Variants in BTBD9 observed in about 807,000 individuals in gnomAD.
BTBD9 encodes the protein BTB/POZ domain-containing protein 9.
In BTBD9, 49 loss-of-function variants were observed where a neutral mutation model predicts 64.3. The ratio of observed to expected loss-of-function variants is 0.76; its 90% CI spans 0.61 to 0.97. The LOEUF is 0.97. BTBD9 is among the 50% of genes least tolerant of loss of function. The pLI is 0.00. For synonymous variants in BTBD9, 260 were observed against 274.7 expected (o/e 0.95, Z 0.53); for missense variants, 598 against 762.1 (o/e 0.78, Z 2.53).
intron 6 of BTBD9, among the ~76,000 whole-genome samples, chr6:38,447,294 G>A (rs1184677256): frequency 6.6e-6 from 1 of 152,172 alleles, no homozygotes; most frequent in African/African-American, 2.4e-5. Context: ...ATAGCAATTC[G>A]TTACAATTCG....
intron 7 of BTBD9, among the ~76,000 whole-genome samples, chr6:38,323,825 G>A (rs929929539): frequency 2.0e-5 from 3 of 151,956 alleles, no homozygotes; most frequent in Non-Finnish European, 4.4e-5. Flanking sequence ...AAGCCCAGGT[G>A]TGGTGGCTCA....
At chr6:38,236,474 C>T (rs1763780472) in intron 9 of BTBD9, among the ~76,000 whole-genome samples, 1 of 152,174 alleles carries the variant, frequency 6.6e-6, no homozygotes, top group Non-Finnish European at 1.5e-5. Flanking sequence ...AAGGGGAAAC[C>T]ACTTCTGTTT....
At chr6:38,505,555 C>T (rs1375299318) in intron 6 of BTBD9, among the ~76,000 whole-genome samples, 4 of 151,228 alleles carry the variant, frequency 2.6e-5, no homozygotes, top group Non-Finnish European at 5.9e-5. Flanking sequence ...ACCTGGGAGG[C>T]GGAGGTTGCA....
In BTBD9 at chr6:38,605,327, C is replaced by T. The variant is rs530398702; in HGVS notation, c.-27-7206G>A. Among the ~76,000 whole-genome samples the T allele has an allele frequency of 5.3e-5, 8 of 152,236 alleles. No homozygotes were observed. The East Asian group carries it at 1.5e-3, about 29-fold the overall frequency. Reference sequence around the variant, plus strand: ...CTCCCAAAGTGCTTGGGATTACAGGCGTGAACCACCATACCCAGCCAGCTT... The same window carrying T: ...CTCCCAAAGTGCTTGGGATTACAGGTGTGAACCACCATACCCAGCCAGCTT... On this transcript the variant is annotated intron_variant, in intron 1 of 10. Coordinates refer to ENST00000481247, the MANE Select transcript of BTBD9 (RefSeq NM_001099272.2).
rs79974402 is a variant in BTBD9 at position 38,470,608 on chromosome 6, T to C, written c.1154+106992A>G. On this transcript the variant is annotated intron_variant, in intron 6 of 10. Coordinates refer to ENST00000481247, the MANE Select transcript of BTBD9 (RefSeq NM_001099272.2). ...ACTGGTTAGCTTTCAGAAAATGCTTTAGCATTTTAATGTGAACATTTTTGA... is the reference window on the plus strand; with the variant it reads ...ACTGGTTAGCTTTCAGAAAATGCTTCAGCATTTTAATGTGAACATTTTTGA... Among the ~76,000 whole-genome samples, 776 of 152,352 alleles carry C rather than the reference T, an allele frequency of 5.1e-3. 6 individuals are homozygous for C. Among genetic ancestry groups the C allele is most frequent in the African/African-American group, 0.018 (734 of 41,588 alleles).
chr6:38,180,009 C>G (rs542263589), intron 10 of BTBD9: 1 of 371,328 alleles, frequency 2.7e-6, no homozygotes, highest in East Asian at 7.3e-5. Flanking sequence ...CTCTGTGGAG[C>G]AGTGTGCCTG....
intron 6 of BTBD9, among the ~76,000 whole-genome samples, chr6:38,485,695 C>G (rs1771363821): frequency 6.6e-6 from 1 of 152,204 alleles, no homozygotes; most frequent in African/African-American, 2.4e-5. Flanking sequence ...GTTCCATCTA[C>G]AGAGCACAGG....
At chr6:38,556,498 T>C (rs1246446576) in intron 6 of BTBD9, among the ~76,000 whole-genome samples, 1 of 148,536 alleles carries the variant, frequency 6.7e-6, no homozygotes, top group African/African-American at 2.5e-5. Flanking sequence ...ATTATCTTTG[T>C]CCTATAAAGT....
At chr6:38,231,983 G>A (rs1322061300) in intron 9 of BTBD9, among the ~76,000 whole-genome samples, 2 of 152,232 alleles carry the variant, frequency 1.3e-5, no homozygotes, top group Non-Finnish European at 2.9e-5. Flanking sequence ...AGGGAAAAGG[G>A]AATCTGTTTA....
intron 10 of BTBD9, among the ~76,000 whole-genome samples, chr6:38,189,953 C>A (rs9462406): frequency 6.7e-6 from 1 of 149,280 alleles, no homozygotes; most frequent in Non-Finnish European, 1.5e-5. Flanking sequence ...GAATTACAGG[C>A]GTGAGCCACC....
chr6:38,447,763 A>C (rs564650580), intron 6 of BTBD9, among the ~76,000 whole-genome samples: 1 of 152,316 alleles, frequency 6.6e-6, no homozygotes, highest in Admixed American at 6.5e-5. Flanking sequence ...CAGCCTCTTT[A>C]TTGGAAGAAG....
chr6:38,424,540 G>A (rs1370050039), intron 6 of BTBD9, among the ~76,000 whole-genome samples: 3 of 151,880 alleles, frequency 2.0e-5, no homozygotes, highest in Non-Finnish European at 4.4e-5. Flanking sequence ...TTTTTGAGAT[G>A]GAGTCTCGCT....
At chr6:38,372,239 AC>A (rs1398086146) in intron 6 of BTBD9, among the ~76,000 whole-genome samples, 1 of 152,190 alleles carries the variant, frequency 6.6e-6, no homozygotes, top group Non-Finnish European at 1.5e-5. Flanking sequence ...TTTAAGTATC[AC>A]CCCAATTCCT....
chr6:38,628,731 T>C (rs930270536), intron 1 of BTBD9, among the ~76,000 whole-genome samples: 19 of 151,872 alleles, frequency 1.3e-4, no homozygotes, highest in African/African-American at 4.6e-4. Flanking sequence ...AGGTATGGAA[T>C]ACACACACAC....
At chr6:38,206,871 T>C (rs1762674135) in intron 9 of BTBD9, among the ~76,000 whole-genome samples, 1 of 150,914 alleles carries the variant, frequency 6.6e-6, no homozygotes, top group Admixed American at 6.6e-5. Flanking sequence ...CTAAAAGAGA[T>C]GAATATGTTT....
intron 10 of BTBD9, among the ~76,000 whole-genome samples, chr6:38,177,893 T>C (rs1305615209): frequency 6.6e-6 from 1 of 152,246 alleles, no homozygotes; most frequent in Non-Finnish European, 1.5e-5. Flanking sequence ...TTCCTATGGA[T>C]ATTTCTTCTA....
At chr6:38,190,012 A>G (rs1761988344) in intron 10 of BTBD9, among the ~76,000 whole-genome samples, 2 of 141,920 alleles carry the variant, frequency 1.4e-5, no homozygotes, top group Non-Finnish European at 3.0e-5. Context: ...AGGTCTCACT[A>G]TGTTTCCCAT....
chr6:38,304,199 T>C (rs576422784), intron 7 of BTBD9, among the ~76,000 whole-genome samples: 4 of 152,000 alleles, frequency 2.6e-5, no homozygotes, highest in Admixed American at 2.6e-4. Context: ...CAGCTTTTAC[T>C]AGAAATCAAC....
In BTBD9 at chr6:38,415,403, T is replaced by C. The variant is rs116378279; in HGVS notation, c.1155-70310A>G. Among the ~76,000 whole-genome samples the C allele has an allele frequency of 7.2e-3, 1,092 of 152,236 alleles. 15 individuals are homozygous for C. The highest frequency in any genetic ancestry group is 0.025 in the African/African-American group (1,047 of 41,534). ...TGAGTCAAGGAACATGGGTAGCCTC[T>C]AGAGTCTGGAAAAGCAAAGAAAATG... On this transcript the variant is annotated intron_variant, in intron 6 of 10. Transcript: ENST00000481247.
Sources: allele counts gnomAD v4.1 joint callset (sites outside exome capture counted in the v4.1 genomes callset), GRCh38; gene constraint gnomAD v4.1.1; transcripts MANE v1.5; gene names NCBI Gene and HGNC (gene_info 2026-07-23, HGNC 2026-07-21).